Variants in RIDA observed in about 807,000 individuals in gnomAD.
RIDA encodes the protein reactive intermediate imine deaminase A, also known as 2-iminobutanoate/2-iminopropanoate deaminase.
Under a neutral mutation model 17.8 loss-of-function variants are expected in RIDA, and 17 were observed. That is an observed-to-expected ratio of 0.96 (90% CI 0.65 to 1.43). RIDA has a LOEUF of 1.43. Ranked by LOEUF, RIDA falls within the 40% of genes most tolerant of loss-of-function variation. The pLI is 0.00. For synonymous variants in RIDA, 48 were observed against 55.7 expected (o/e 0.86, Z 0.62); for missense variants, 158 against 161.7 (o/e 0.98, Z 0.12).
chr8:98,102,915 A>G lies in RIDA; in HGVS notation c.352-11T>C, dbSNP rs747018732. On this transcript the variant is annotated splice_polypyrimidine_tract_variant and intron_variant, in intron 5 of 5. Transcript: ENST00000254878. ...TTCAATTCGGCTGCCCTGTGAGGAA[A>G]ATGAAAGAATTTGTTGTAATCATTT... 2.5e-6 allele frequency: 4 copies of G among 1,608,582 alleles called. No homozygotes were observed. The South Asian group carries it at 4.4e-5, about 18-fold the overall frequency.
rs1815574917 is a variant in RIDA, at chr8:98,102,631, A to C, written c.*211T>G. ...TTCCTATATTCAGTAATACAGGTGC[A>C]CACAGGTGTAATTTAAAAAAGTAAC... On this transcript the variant is annotated 3_prime_UTR_variant, in exon 6 of 6. Coordinates refer to ENST00000254878, the MANE Select transcript of RIDA (RefSeq NM_005836.3). 2 of 433,350 alleles carry C rather than the reference A, an allele frequency of 4.6e-6. No homozygotes were observed. The allele number at this position is 433,350 out of a possible 1,614,324, so 26.8% of individuals were successfully genotyped here.
rs1586220250 is a variant in RIDA, at chr8:98,117,157, G to T, written c.-61C>A. 6.6e-7 allele frequency: 1 copy of T among 1,506,806 alleles called. No individual in the cohort carries two copies. Among genetic ancestry groups the T allele is most frequent in the Non-Finnish European group, 9.2e-7 (1 of 1,082,174 alleles). The allele number at this position is 1,506,806 out of a possible 1,614,324, so 93.3% of individuals were successfully genotyped here. A position where few individuals can be genotyped will look rare whatever the true frequency, so the allele number is the denominator to read the frequency against. On this transcript the variant is annotated 5_prime_UTR_variant, in exon 1 of 6. Coordinates refer to ENST00000254878, the MANE Select transcript of RIDA (RefSeq NM_005836.3). ...AGAAGCCCCAGCACCAGCCCTGCTG[G>T]CTTCTTACTGGACTGACCAACCACA...
At chr8:98,103,902 C>T (rs2045801) in intron 5 of RIDA, among the ~76,000 whole-genome samples, 29,878 of 151,766 alleles carry the variant, frequency 0.2, 3,202 homozygotes, top group Non-Finnish European at 0.24. Flanking sequence ...CCTCCGAAAG[C>T]GCTGGGATTA....
intron 1 of RIDA, among the ~76,000 whole-genome samples, chr8:98,115,175 G>T (rs1052411525): frequency 1.3e-5 from 2 of 151,940 alleles, no homozygotes; most frequent in African/African-American, 2.4e-5. Flanking sequence ...ATCGCTTTAG[G>T]TCAGGAGTTC....
At chr8:98,111,962 C>A (rs557156587) in intron 1 of RIDA, among the ~76,000 whole-genome samples, 5 of 151,924 alleles carry the variant, frequency 3.3e-5, no homozygotes, top group Non-Finnish European at 1.5e-5. Flanking sequence ...AACAGATAAC[C>A]AAAACAAATA....
intron 1 of RIDA, among the ~76,000 whole-genome samples, chr8:98,110,916 C>G (rs1180681723): frequency 2.0e-5 from 3 of 152,162 alleles, no homozygotes; most frequent in Non-Finnish European, 4.4e-5. Flanking sequence ...TCCTCCTACA[C>G]ATGTACACTC....
In RIDA at chr8:98,116,086, A is replaced by G. The variant is rs377720999; in HGVS notation, c.65+946T>C. On this transcript the variant is annotated intron_variant, in intron 1 of 5. Transcript: ENST00000254878. ...CTACCTCCATGCCCTTCACTCAATGACTTCCTGTTGAAATCCTTAATAAAT... is the reference window on the plus strand; with the variant it reads ...CTACCTCCATGCCCTTCACTCAATGGCTTCCTGTTGAAATCCTTAATAAAT... Among the ~76,000 whole-genome samples, 8 of 152,296 alleles carry G rather than the reference A, an allele frequency of 5.3e-5. No homozygotes were observed. In the East Asian group the frequency reaches 1.5e-3, roughly 29 times the overall value.
rs141230575 is a variant in RIDA at position 98,116,663 on chromosome 8, T to C, written c.65+369A>G. ...TGTGAGTATGGTCAAAACCACTGAATTGTACATGTTAAAGGGGGTGAATCT... is the reference window on the plus strand; with the variant it reads ...TGTGAGTATGGTCAAAACCACTGAACTGTACATGTTAAAGGGGGTGAATCT... On this transcript the variant is annotated intron_variant, in intron 1 of 5. Transcript: ENST00000254878. 1.3e-4 allele frequency among the ~76,000 whole-genome samples: 20 copies of C among 152,320 alleles called. No individual in the cohort carries two copies. The East Asian group carries it at 3.9e-3, about 29-fold the overall frequency.
chr8:98,116,596 G>T (rs566931618), intron 1 of RIDA, among the ~76,000 whole-genome samples: 1 of 152,280 alleles, frequency 6.6e-6, no homozygotes, highest in African/African-American at 2.4e-5. Flanking sequence ...TTTTTGGGGT[G>T]ATGAAAATGT....
rs568588500 is a variant in RIDA at position 98,106,313 on chromosome 8, A to G, written c.185T>C (p.Met62Thr). The change falls in exon 3 of 6, where the codon ATG becomes ACG. Residue 62 changes from methionine (M) to threonine (T), a missense_variant. Coordinates refer to ENST00000254878, the MANE Select transcript of RIDA (RefSeq NM_005836.3). ...AEEAKQALKN[M>T]GEILKAAGCD... ...GCCTGCAGCTTTCAGAATTTCACCC[A>G]TGTTTTTAAGAGCCTGTGAACCAAG... 19 of 1,613,880 alleles carry G rather than the reference A, an allele frequency of 1.2e-5. No individual in the cohort carries two copies. The South Asian group carries it at 1.9e-4, about 16-fold the overall frequency.
chr8:98,116,365 T>C (rs183718345), intron 1 of RIDA, among the ~76,000 whole-genome samples: 2 of 152,278 alleles, frequency 1.3e-5, no homozygotes, highest in Admixed American at 1.3e-4. Context: ...CTCACAGCAG[T>C]AGGTTTAAAG....
chr8:98,106,338 G>T lies in RIDA; in HGVS notation c.172-12C>A. On this transcript the variant is annotated splice_polypyrimidine_tract_variant and intron_variant, in intron 2 of 5. Transcript: ENST00000254878. ...ATGTTTTTAAGAGCCTGTGAACCAA[G>T]CCAAGAAAGGCCTAAGTCACTGATG... 1 of 1,610,644 alleles carries T rather than the reference G, an allele frequency of 6.2e-7. No homozygotes were observed. Among genetic ancestry groups the T allele is most frequent in the Non-Finnish European group, 8.5e-7 (1 of 1,177,136 alleles).
chr8:98,109,603 C>A (rs903543352), intron 1 of RIDA, among the ~76,000 whole-genome samples: 1 of 151,998 alleles, frequency 6.6e-6, no homozygotes, highest in Non-Finnish European at 1.5e-5. Flanking sequence ...ACCCAGCAAA[C>A]TCTTCTTTTA....
chr8:98,109,158 C>T lies in RIDA; in HGVS notation c.66-407G>A, dbSNP rs79973484. Among the ~76,000 whole-genome samples the T allele has an allele frequency of 4.5e-3, 684 of 152,158 alleles. 10 individuals carry two copies. Among genetic ancestry groups the T allele is most frequent in the African/African-American group, 0.015 (625 of 41,492 alleles). On this transcript the variant is annotated intron_variant, in intron 1 of 5. Transcript: ENST00000254878. Reference sequence around the variant, plus strand: ...GAAGTGAGCCATGAGTATACCACTGCGCTCCAGCCTCAGTGGCACTGAGTA... The same window carrying T: ...GAAGTGAGCCATGAGTATACCACTGTGCTCCAGCCTCAGTGGCACTGAGTA...
At chr8:98,112,534 C>G (rs1025137095) in intron 1 of RIDA, among the ~76,000 whole-genome samples, 8 of 152,146 alleles carry the variant, frequency 5.3e-5, no homozygotes, top group African/African-American at 1.9e-4. Flanking sequence ...TTTAGCAGGA[C>G]CTGTTGACTT....
intron 3 of RIDA, 34 bp from the exon 4 acceptor site, chr8:98,106,040 T>C (rs1275135628): frequency 6.8e-7 from 1 of 1,476,764 alleles, no homozygotes; most frequent in African/African-American, 1.4e-5. Flanking sequence ...TAGGTTTAGT[T>C]ATTTGGTCTG....
intron 2 of RIDA, among the ~76,000 whole-genome samples, chr8:98,107,132 C>A (rs373926310): frequency 1.3e-5 from 2 of 152,324 alleles, no homozygotes; most frequent in East Asian, 1.9e-4. Context: ...TACCATGGAA[C>A]AATTTACCTC....
chr8:98,113,471 A>T (rs1815757671), intron 1 of RIDA, among the ~76,000 whole-genome samples: 1 of 152,218 alleles, frequency 6.6e-6, no homozygotes, highest in Non-Finnish European at 1.5e-5. Flanking sequence ...ACTATTGAAA[A>T]TAAGCACCAT....
At chr8:98,106,205 C>T (rs1422073406) in intron 3 of RIDA, 67 bp downstream of exon 3, 1 of 1,435,964 alleles carries the variant, frequency 7.0e-7, no homozygotes, top group Non-Finnish European at 9.8e-7. Flanking sequence ...TTACTGGATG[C>T]CATATATTTT....
Sources: gnomAD v4.1 joint callset for allele counts (sites outside exome capture counted in the v4.1 genomes callset) on GRCh38, gnomAD v4.1.1 for gene constraint, MANE v1.5 for transcripts, NCBI Gene and HGNC (gene_info 2026-07-23, HGNC 2026-07-21) for gene names.